The following STON2 variants were observed in gnomAD, a reference collection of about 807,000 sequenced individuals.
The protein encoded by STON2 is stonin-2.
STON2 carries 29 observed loss-of-function variants against 65.7 expected under a neutral mutation model. The ratio of observed to expected loss-of-function variants is 0.44; its 90% confidence interval spans 0.33 to 0.60. STON2 has a LOEUF of 0.60. Among genes scored for constraint, STON2 ranks in the 20% least tolerant of loss-of-function variants. The pLI, the probability that STON2 is intolerant of heterozygous loss-of-function variation, is 0.03. For missense variants in STON2, 1,054 were observed against 1,118.1 expected, an observed-to-expected ratio of 0.94 and a Z score of 0.82; for synonymous variants, 404 against 414.2, an observed-to-expected ratio of 0.98 and a Z score of 0.30.
intron 6 of STON2, 81 bp downstream of exon 6, chr14:81,276,820 C>G: frequency 6.6e-7 from 1 of 1,507,982 alleles, no homozygotes; most frequent in Non-Finnish European, 9.0e-7. Flanking sequence ...AAAACAAGCA[C>G]TTCATACAGG....
intron 4 of STON2, among the ~76,000 whole-genome samples, chr14:81,354,351 G>A (rs755254627): frequency 6.6e-6 from 1 of 152,142 alleles, no homozygotes; most frequent in Non-Finnish European, 1.5e-5. Flanking sequence ...CTGTCCTATC[G>A]GAATCACTAA....
At chr14:81,428,826 T>C (rs967019451) in intron 1 of STON2, among the ~76,000 whole-genome samples, 1 of 152,250 alleles carries the variant, frequency 6.6e-6, no homozygotes, top group Non-Finnish European at 1.5e-5. Flanking sequence ...CCATTTGGTT[T>C]TTTTAAACCA....
rs1306950772 is a variant in STON2, at chr14:81,264,055, C to T, written c.*4359G>A. 1.0e-6 allele frequency: 1 copy of T among 985,310 alleles called. No individual in the cohort carries two copies. The highest frequency in any genetic ancestry group is 1.2e-6 in the Non-Finnish European group (1 of 829,950). 61.0% of individuals were successfully genotyped at this position (985,310 alleles called of 1,614,324 possible). On this transcript the variant is annotated 3_prime_UTR_variant, in exon 8 of 8. Coordinates refer to ENST00000614646, the MANE Select transcript of STON2 (RefSeq NM_001394390.1). ...GACTGGTTGTGCACTCTATCAAATG[C>T]TTTCTTTTCCTACTGACCATTGAAA...
intron 5 of STON2, among the ~76,000 whole-genome samples, chr14:81,314,601 T>C (rs1052311691): frequency 6.6e-5 from 10 of 152,220 alleles, no homozygotes; most frequent in East Asian, 1.9e-4. Flanking sequence ...TTAAGGCCTA[T>C]TGATTCCATG....
At chr14:81,329,454 CAAA>C (rs56370265) in intron 4 of STON2, among the ~76,000 whole-genome samples, 27,260 of 118,358 alleles carry the variant, frequency 0.23, 3,527 homozygotes, top group African/African-American at 0.42. Context: ...GACTCTGTCT[CAAA>C]AAAAAAAAAA....
In STON2 at chr14:81,277,079, C is replaced by T. The variant is rs1894859826; in HGVS notation, c.2403G>A (p.Arg801=). The T allele has an allele frequency of 5.0e-6, 8 of 1,614,078 alleles. No individual in the cohort carries two copies. Among genetic ancestry groups the T allele is most frequent in the South Asian group, 4.4e-5 (4 of 91,090 alleles). ...AAGACTTTTCCCCCAGGACACTTTC[C>T]CTGCGGAAGTTTTTCACCCACTCAC... ...VPSEWVKNFR[R]ESVLGEKSLK... is the part of the protein sequence containing the mutation. Residue 801 remains arginine (R), a synonymous_variant, in exon 6 of 8, where the codon AGG becomes AGA. Transcript: ENST00000614646.
At chr14:81,306,542 G>A (rs1261823838) in intron 5 of STON2, 1 of 152,042 alleles carries the variant, frequency 6.6e-6, no homozygotes, top group Non-Finnish European at 1.5e-5. Context: ...CTATGCCACT[G>A]TGCCTGGCTG....
At chr14:81,298,300 G>C (rs1471710722) in intron 5 of STON2, among the ~76,000 whole-genome samples, 2 of 151,850 alleles carry the variant, frequency 1.3e-5, no homozygotes, top group African/African-American at 4.8e-5. Flanking sequence ...CACAGCAGCT[G>C]GAAATAACAG....
intron 3 of STON2, among the ~76,000 whole-genome samples, chr14:81,386,774 G>A (rs990844891): frequency 1.3e-5 from 2 of 152,144 alleles, no homozygotes; most frequent in African/African-American, 4.8e-5. Context: ...GCTGACAATA[G>A]TGCCTTAATT....
chr14:81,400,478 C>CAA (rs5810028), upstream of STON2, among the ~76,000 whole-genome samples: 16,585 of 96,640 alleles, frequency 0.17, 2,822 homozygotes, highest in East Asian at 0.48. Flanking sequence ...CAGCACCCGT[C>CAA]AAAAAAAAAA....
In STON2 at chr14:81,406,896, T is replaced by G. The variant is rs572066176; in HGVS notation, c.-198-8316A>C. ...CTCTCCCCATCCCCATGCTCTCTGC[T>G]CCCCAACTCTCTGCTCTCTGGTGCC... On this transcript the variant is annotated intron_variant, in intron 2 of 8. Coordinates refer to the STON2 transcript ENST00000553821. Among the ~76,000 whole-genome samples, 43 of 152,268 alleles carry G rather than the reference T, an allele frequency of 2.8e-4. 1 individual carries two copies. In the South Asian group the frequency reaches 8.5e-3, roughly 30 times the overall value.
chr14:81,378,390 T>C (rs1380963980), intron 3 of STON2, among the ~76,000 whole-genome samples: 1 of 151,990 alleles, frequency 6.6e-6, no homozygotes, highest in Non-Finnish European at 1.5e-5. Flanking sequence ...TAGTTTTTCA[T>C]ATTTTCATAG....
At chr14:81,350,801 G>A (rs1160427311) in intron 4 of STON2, among the ~76,000 whole-genome samples, 4 of 152,168 alleles carry the variant, frequency 2.6e-5, no homozygotes, top group Admixed American at 6.5e-5. Flanking sequence ...AAACACTCGC[G>A]GGGGTACTCT....
At chr14:81,426,749 G>A (rs2139917836) in intron 2 of STON2, among the ~76,000 whole-genome samples, 1 of 152,200 alleles carries the variant, frequency 6.6e-6, no homozygotes, top group Non-Finnish European at 1.5e-5. Context: ...TTACAAAAAG[G>A]CAGTTTACAT....
rs978211257 is a variant in STON2 at position 81,345,406 on chromosome 14, G to A, written c.572-21219C>T. 2.0e-5 allele frequency among the ~76,000 whole-genome samples: 3 copies of A among 152,168 alleles called. No homozygotes were observed. In the East Asian group the frequency reaches 5.8e-4, roughly 29 times the overall value. On this transcript the variant is annotated intron_variant, in intron 4 of 7. Coordinates refer to ENST00000614646, the MANE Select transcript of STON2 (RefSeq NM_001394390.1). ...ATGTGAAGATACAGGGAGAAAACTG[G>A]CCATCTCCCAGCCAAGGAGCGGCCT...
At chr14:81,329,918 A>C (rs1244810355) in intron 4 of STON2, among the ~76,000 whole-genome samples, 1 of 152,248 alleles carries the variant, frequency 6.6e-6, no homozygotes, top group East Asian at 1.9e-4. Flanking sequence ...GGTGGGCAGA[A>C]GCCACAGGAC....
At chr14:81,432,036 C>A (rs1222679589) in intron 1 of STON2, among the ~76,000 whole-genome samples, 1 of 152,190 alleles carries the variant, frequency 6.6e-6, no homozygotes, top group Admixed American at 6.5e-5. Flanking sequence ...AACAAATATT[C>A]TAATCTGGTA....
chr14:81,377,492 G>C (rs1294061553), intron 3 of STON2, among the ~76,000 whole-genome samples: 1 of 152,130 alleles, frequency 6.6e-6, no homozygotes, highest in Non-Finnish European at 1.5e-5. Context: ...ACAGGTTTTT[G>C]TATGAACGTA....
At chr14:81,369,372 G>T (rs2140360675) in intron 4 of STON2, among the ~76,000 whole-genome samples, 1 of 152,222 alleles carries the variant, frequency 6.6e-6, no homozygotes, top group Admixed American at 6.5e-5. Context: ...GTTCAGGCTA[G>T]GGCTCTGATT....
Sources: allele counts gnomAD v4.1 joint callset (sites outside exome capture counted in the v4.1 genomes callset), GRCh38; gene constraint gnomAD v4.1.1; transcripts MANE v1.5; gene names NCBI Gene and HGNC (gene_info 2026-07-23, HGNC 2026-07-21).